The following KPNA4 variants were observed in gnomAD, a reference collection of about 807,000 sequenced individuals.
KPNA4 encodes the protein importin subunit alpha-3.
In KPNA4, 13 loss-of-function variants were observed where a neutral mutation model predicts 71.3. That is an observed-to-expected ratio of 0.18 (90% CI 0.12 to 0.29). KPNA4 has a LOEUF of 0.29. Ranked by LOEUF, KPNA4 falls within the 10% of genes least tolerant of loss-of-function variation. The pLI, the probability that KPNA4 is intolerant of heterozygous loss-of-function variation, is 1.00. For synonymous variants in KPNA4, 189 were observed against 195.2 expected, an observed-to-expected ratio of 0.97 and a Z score of 0.26; for missense variants, 334 against 603.2, an observed-to-expected ratio of 0.55 and a Z score of 4.67.
chr3:160,508,839 A>T (rs1721039292), intron 14 of KPNA4, among the ~76,000 whole-genome samples: 1 of 152,130 alleles, frequency 6.6e-6, no homozygotes, highest in East Asian at 1.9e-4. Context: ...GTTTCAAAAA[A>T]CTACAATGGC....
chr3:160,540,696 A>C (rs1721781235), intron 1 of KPNA4, among the ~76,000 whole-genome samples: 1 of 152,232 alleles, frequency 6.6e-6, no homozygotes, highest in Non-Finnish European at 1.5e-5. Context: ...TTAGTTGTGA[A>C]TTCACATGAC....
chr3:160,541,177 A>C (rs1392942069), intron 1 of KPNA4, among the ~76,000 whole-genome samples: 1 of 152,196 alleles, frequency 6.6e-6, no homozygotes, highest in Non-Finnish European at 1.5e-5. Flanking sequence ...CTAATTTTCA[A>C]GTCAGTTTTA....
In KPNA4 at chr3:160,500,165, T is replaced by C. The variant is rs1272158643; in HGVS notation, c.*1939A>G. The stretch of plus-strand genomic sequence containing the variant: ...CCACACACCACACACACACACCCCA[T>C]GTAAAACATTGCTTTAAGTTTTAAT... On this transcript the variant is annotated 3_prime_UTR_variant, in exon 17 of 17. Transcript: ENST00000334256. 6.6e-6 allele frequency: 1 copy of C among 152,232 alleles called. No individual in the cohort carries two copies. The highest frequency in any genetic ancestry group is 1.9e-4 in the East Asian group (1 of 5,204). The allele number at this position is 152,232 out of a possible 1,614,324, so 9.4% of individuals were successfully genotyped here.
At chr3:160,504,840 T>A (rs1720952352) in intron 16 of KPNA4, 118 bp downstream of exon 16, 2 of 400,930 alleles carry the variant, frequency 5.0e-6, no homozygotes, top group Non-Finnish European at 8.5e-6. Context: ...GTCATACATC[T>A]ATTTTAATTC....
In KPNA4 at chr3:160,565,299, C is replaced by A. The variant is rs1235048467; in HGVS notation, c.-17G>T. Reference sequence around the variant, plus strand: ...GTCCGCCATGGCCGGGCCGGTGACTCCTTCCCCCGCCCGGGCCCCGCGGGA... The same window carrying A: ...GTCCGCCATGGCCGGGCCGGTGACTACTTCCCCCGCCCGGGCCCCGCGGGA... On this transcript the variant is annotated 5_prime_UTR_variant, in exon 1 of 17. Transcript: ENST00000334256. 2 of 1,581,962 alleles carry A rather than the reference C, an allele frequency of 1.3e-6. No individual in the cohort carries two copies. The highest frequency in any genetic ancestry group is 2.3e-5 in the East Asian group (1 of 42,706).
Position 160,496,257 on chromosome 3 carries a change from C to T in KPNA4, c.*5847G>A, listed in dbSNP as rs1175682471. On this transcript the variant is annotated 3_prime_UTR_variant, in exon 17 of 17. Coordinates refer to ENST00000334256, the MANE Select transcript of KPNA4 (RefSeq NM_002268.5). ...GAGCCAAGATGGCACCACTGCATTC[C>T]TGCCTGGGCAACAAGAAAGAGTAAA... 1 of 152,516 alleles carries T rather than the reference C, an allele frequency of 6.6e-6. No homozygotes were observed. Among genetic ancestry groups the T allele is most frequent in the Non-Finnish European group, 1.5e-5 (1 of 68,336 alleles). 9.4% of individuals were successfully genotyped at this position (152,516 alleles called of 1,614,324 possible).
At chr3:160,550,388 G>C (rs1722016493) in intron 1 of KPNA4, among the ~76,000 whole-genome samples, 1 of 152,150 alleles carries the variant, frequency 6.6e-6, no homozygotes, top group South Asian at 2.1e-4. Context: ...CTTCCAAGTA[G>C]CTGGGACTCC....
chr3:160,519,967 G>T (rs370268648), intron 11 of KPNA4, among the ~76,000 whole-genome samples: 15 of 152,250 alleles, frequency 9.9e-5, no homozygotes, highest in East Asian at 9.7e-4. Flanking sequence ...ATTATGGCAT[G>T]AAAGTTGAAA....
chr3:160,529,931 C>T (rs183344310), intron 7 of KPNA4, among the ~76,000 whole-genome samples: 4 of 151,004 alleles, frequency 2.6e-5, no homozygotes, highest in African/African-American at 4.9e-5. Flanking sequence ...AGATCGAGAC[C>T]GAGACCATCC....
At chr3:160,519,197 C>T (rs1216161848) in intron 11 of KPNA4, among the ~76,000 whole-genome samples, 16 of 152,152 alleles carry the variant, frequency 1.1e-4, no homozygotes, top group Non-Finnish European at 1.9e-4. Context: ...ATTAGACAAT[C>T]CATGAACATG....
rs1456166634 is a variant in KPNA4 at position 160,495,700 on chromosome 3, G to T, written c.*6404C>A. The T allele has an allele frequency of 1.3e-5, 2 of 151,034 alleles. No homozygotes were observed. The highest frequency in any genetic ancestry group is 1.9e-4 in the East Asian group (1 of 5,158). 9.4% of individuals were successfully genotyped at this position (151,034 alleles called of 1,614,324 possible). On this transcript the variant is annotated 3_prime_UTR_variant, in exon 17 of 17. Transcript: ENST00000334256. The stretch of plus-strand genomic sequence containing the variant: ...GTGATACACATTGTGTACTGCATTG[G>T]GGGCTTACTAGATGTGTGGCGGAAT...
intron 10 of KPNA4, 131 bp from the exon 11 acceptor site, chr3:160,522,041 G>T: frequency 1.4e-6 from 1 of 716,742 alleles, no homozygotes; most frequent in Non-Finnish European, 2.3e-6. Context: ...TAATTCATTG[G>T]AATCTGATCG....
rs2108540936 is a variant in KPNA4, at chr3:160,500,768, A to AT, written c.*1335dup. 1 of 152,738 alleles carries AT rather than the reference A, an allele frequency of 6.5e-6. No homozygotes were observed. Among genetic ancestry groups the AT allele is most frequent in the Admixed American group, 6.5e-5 (1 of 15,294 alleles). The allele number at this position is 152,738 out of a possible 1,614,324, so 9.5% of individuals were successfully genotyped here. ...TTAAAGGTGTTCAAACCATTACTTG[A>AT]TTTGTACATCTACTCAAACCTCTTC... On this transcript the variant is annotated 3_prime_UTR_variant, in exon 17 of 17. Transcript: ENST00000334256.
intron 10 of KPNA4, among the ~76,000 whole-genome samples, chr3:160,524,927 T>C (rs1369894963): frequency 6.6e-6 from 1 of 152,240 alleles, no homozygotes; most frequent in Non-Finnish European, 1.5e-5. Context: ...ATGAAGCAGC[T>C]TGTCCAACAC....
intron 1 of KPNA4, among the ~76,000 whole-genome samples, chr3:160,540,224 C>T (rs1417914090): frequency 1.3e-5 from 2 of 152,038 alleles, no homozygotes; most frequent in East Asian, 3.9e-4. Context: ...TGGTCTCGAA[C>T]TCCTGACCTC....
At chr3:160,522,595 C>G (rs561431986) in intron 10 of KPNA4, among the ~76,000 whole-genome samples, 5 of 152,190 alleles carry the variant, frequency 3.3e-5, no homozygotes, top group African/African-American at 1.2e-4. Flanking sequence ...GTAGCTGGGA[C>G]TACAGGCGCA....
At chr3:160,553,138 G>A (rs898470101) in intron 1 of KPNA4, among the ~76,000 whole-genome samples, 34 of 152,154 alleles carry the variant, frequency 2.2e-4, no homozygotes, top group Admixed American at 3.3e-4. Flanking sequence ...AAGTAAGAAC[G>A]GAGGTGGACA....
intron 1 of KPNA4, among the ~76,000 whole-genome samples, chr3:160,543,079 A>G (rs1577059729): frequency 8.2e-6 from 1 of 122,010 alleles, no homozygotes; most frequent in South Asian, 2.5e-4. Context: ...TAAAGAAGGG[A>G]AAAATCTGAA....
intron 16 of KPNA4, among the ~76,000 whole-genome samples, chr3:160,502,441 G>A (rs1401124806): frequency 6.6e-6 from 1 of 151,694 alleles, no homozygotes; most frequent in Admixed American, 6.6e-5. Context: ...CACAAACATA[G>A]CTCATTGCAG....
Sources: gnomAD v4.1 joint callset for allele counts (sites outside exome capture counted in the v4.1 genomes callset) on GRCh38, gnomAD v4.1.1 for gene constraint, MANE v1.5 for transcripts, NCBI Gene and HGNC (gene_info 2026-07-23, HGNC 2026-07-21) for gene names.